PIP4K2A: variants seen among roughly 807,000 people sequenced by gnomAD.
PIP4K2A encodes phosphatidylinositol 5-phosphate 4-kinase type-2 alpha.
Under a neutral mutation model 42.9 loss-of-function variants are expected in PIP4K2A, and 14 were observed. The ratio of observed to expected loss-of-function variants is 0.33; its 90% CI spans 0.22 to 0.51. The LOEUF (loss-of-function observed/expected upper bound fraction) is 0.51, where lower values mean the gene tolerates loss of function less well. PIP4K2A is among the 20% of genes least tolerant of loss of function. The pLI is 0.97. For synonymous variants in PIP4K2A, 192 were observed against 192.2 expected (o/e 1.00, Z 0.01); for missense variants, 434 against 519.8 (o/e 0.83, Z 1.61).
chr10:22,640,075 C>G (rs1838749030), intron 1 of PIP4K2A, among the ~76,000 whole-genome samples: 1 of 139,724 alleles, frequency 7.2e-6, no homozygotes, highest in African/African-American at 2.7e-5. Flanking sequence ...CAAGACATCC[C>G]AAGCAAAGGA....
intron 1 of PIP4K2A, among the ~76,000 whole-genome samples, chr10:22,692,136 T>A (rs1042516544): frequency 1.3e-5 from 2 of 152,048 alleles, no homozygotes; most frequent in Admixed American, 1.3e-4. Flanking sequence ...CTTGTTTTCC[T>A]GCAACTAGAT....
intron 3 of PIP4K2A, among the ~76,000 whole-genome samples, chr10:22,594,486 C>T (rs1470827987): frequency 6.6e-6 from 1 of 152,218 alleles, no homozygotes; most frequent in Non-Finnish European, 1.5e-5. Context: ...GCCTTGATCT[C>T]CTGGACTCAA....
chr10:22,648,704 A>G (rs1385151871), intron 1 of PIP4K2A, among the ~76,000 whole-genome samples: 1 of 152,234 alleles, frequency 6.6e-6, no homozygotes, highest in Non-Finnish European at 1.5e-5. Flanking sequence ...TGAAACAGGC[A>G]CATTTCCTTC....
chr10:22,623,779 T>A (rs1042933647), intron 1 of PIP4K2A, among the ~76,000 whole-genome samples: 4 of 152,138 alleles, frequency 2.6e-5, no homozygotes, highest in African/African-American at 9.7e-5. Flanking sequence ...AACAACCACA[T>A]GGGCTGAAGC....
chr10:22,646,518 T>TG (rs1347808155), intron 1 of PIP4K2A, among the ~76,000 whole-genome samples: 1 of 152,132 alleles, frequency 6.6e-6, no homozygotes, highest in East Asian at 1.9e-4. Context: ...CAAACAGCCT[T>TG]GCTCTCTGAA....
At chr10:22,696,287 G>C (rs1298228371) in intron 1 of PIP4K2A, among the ~76,000 whole-genome samples, 1 of 152,140 alleles carries the variant, frequency 6.6e-6, no homozygotes, top group African/African-American at 2.4e-5. Flanking sequence ...GGAAACACAG[G>C]CTATAAGGGT....
chr10:22,540,144 G>T, intron 8 of PIP4K2A, 70 bp from the exon 9 acceptor site: 4 of 800,428 alleles, frequency 5.0e-6, no homozygotes, highest in Non-Finnish European at 4.5e-6. Context: ...TGCTGAGGGA[G>T]GGAGGGAGGG....
intron 1 of PIP4K2A, among the ~76,000 whole-genome samples, chr10:22,640,780 AAAG>A (rs1838767538): frequency 9.8e-5 from 15 of 152,334 alleles, no homozygotes; most frequent in Admixed American, 9.8e-4. Context: ...TCCCTAATGC[AAAG>A]TGGAAATAAA....
chr10:22,571,330 G>A (rs1158749717), intron 5 of PIP4K2A, among the ~76,000 whole-genome samples: 1 of 152,188 alleles, frequency 6.6e-6, no homozygotes, highest in Non-Finnish European at 1.5e-5. Flanking sequence ...GAAAACAACT[G>A]ACAGGGCTTG....
At chr10:22,649,498 G>T (rs568121947) in intron 1 of PIP4K2A, among the ~76,000 whole-genome samples, 1 of 152,104 alleles carries the variant, frequency 6.6e-6, no homozygotes, top group Non-Finnish European at 1.5e-5. Flanking sequence ...AGTTGCACCC[G>T]GCACAGTGCA....
Position 22,690,302 on chromosome 10 carries a change from C to G in PIP4K2A, c.144+23881G>C, listed in dbSNP as rs188739637. On this transcript the variant is annotated intron_variant, in intron 1 of 9. Coordinates refer to ENST00000376573, the MANE Select transcript of PIP4K2A (RefSeq NM_005028.5). ...AATTCACTTGCCCAAGGTCACACAG[C>G]TAATAAGTGCTGAGTCCAGCCAGTA... Among the ~76,000 whole-genome samples, 1,101 of 152,292 alleles carry G rather than the reference C, an allele frequency of 7.2e-3. 6 individuals carry two copies. Among genetic ancestry groups the G allele is most frequent in the Middle Eastern group, 0.02 (6 of 294 alleles).
chr10:22,539,014 G>A (rs555798809), intron 9 of PIP4K2A, among the ~76,000 whole-genome samples: 1 of 152,278 alleles, frequency 6.6e-6, no homozygotes, highest in African/African-American at 2.4e-5. Flanking sequence ...TTCTTCCAGG[G>A]CCAACAAACC....
intron 1 of PIP4K2A, among the ~76,000 whole-genome samples, chr10:22,659,103 T>A (rs984572894): frequency 2.6e-5 from 4 of 152,370 alleles, no homozygotes; most frequent in African/African-American, 9.6e-5. Context: ...CTCAGGTCCC[T>A]CTGCATAACA....
chr10:22,605,189 C>A (rs1182913017), intron 3 of PIP4K2A, among the ~76,000 whole-genome samples: 1 of 150,970 alleles, frequency 6.6e-6, no homozygotes, highest in Non-Finnish European at 1.5e-5. Context: ...CACACTTTTT[C>A]TTTCTTTTTT....
At chr10:22,668,180 G>C (rs1357095573) in intron 1 of PIP4K2A, among the ~76,000 whole-genome samples, 1 of 152,172 alleles carries the variant, frequency 6.6e-6, no homozygotes, top group Non-Finnish European at 1.5e-5. Flanking sequence ...TTGAACTCCT[G>C]ACCTCGTGAT....
chr10:22,612,972 A>C (rs1838090594), intron 1 of PIP4K2A, among the ~76,000 whole-genome samples: 1 of 152,168 alleles, frequency 6.6e-6, no homozygotes. Context: ...ATGGGGAGGA[A>C]GGCGGAGAAG....
At chr10:22,549,838 C>CAAAAAAAAAAAAAAAAAAAAAAAA (rs56349240) in intron 7 of PIP4K2A, among the ~76,000 whole-genome samples, 1 of 70,130 alleles carries the variant, frequency 1.4e-5, no homozygotes, top group Non-Finnish European at 2.6e-5. Context: ...GAATCCATCT[C>CAAAAAAAAAAAAAAAAAAAAAAAA]AAAAAAAAAA....
intron 1 of PIP4K2A, among the ~76,000 whole-genome samples, chr10:22,648,667 T>G (rs949575319): frequency 6.6e-6 from 1 of 152,152 alleles, no homozygotes; most frequent in East Asian, 1.9e-4. Flanking sequence ...AATCAGACAT[T>G]AAAAAAATTC....
chr10:22,582,110 A>T (rs550753087), intron 4 of PIP4K2A, among the ~76,000 whole-genome samples: 83 of 147,000 alleles, frequency 5.6e-4, no homozygotes, highest in Non-Finnish European at 1.0e-3. Context: ...TCAAAAAAGA[A>T]AAAAAAAAAA....
Sources: gnomAD v4.1 joint callset for allele counts (sites outside exome capture counted in the v4.1 genomes callset) on GRCh38, gnomAD v4.1.1 for gene constraint, MANE v1.5 for transcripts, NCBI Gene and HGNC (gene_info 2026-07-23, HGNC 2026-07-21) for gene names.